Variants in ZNF333 observed in about 807,000 individuals in gnomAD.
ZNF333 encodes the protein zinc finger protein 333.
A neutral mutation model predicts 76.1 loss-of-function variants in ZNF333; 61 were observed. The observed-to-expected ratio is 0.80, with a 90% CI of 0.65 to 0.99. The LOEUF (loss-of-function observed/expected upper bound fraction) is 0.99. ZNF333 is among the 50% of genes least tolerant of loss of function. The probability of loss-of-function intolerance (pLI) is 0.00; values close to 1 mark genes in which losing one functional copy is unlikely to be tolerated. For missense variants in ZNF333, 717 were observed against 822.4 expected, an observed-to-expected ratio of 0.87 and a Z score of 1.57; for synonymous variants, 284 against 305.0, an observed-to-expected ratio of 0.93 and a Z score of 0.72.
At chr19:14,693,220 G>A (rs1304668255) in intron 1 of ZNF333, among the ~76,000 whole-genome samples, 1 of 152,176 alleles carries the variant, frequency 6.6e-6, no homozygotes, top group Admixed American at 6.5e-5. Context: ...GAAGATCTTA[G>A]AAGTATTTTG....
At chr19:14,693,598 A>G in intron 2 of ZNF333, 104 bp downstream of exon 2, 1 of 1,378,272 alleles carries the variant, frequency 7.3e-7, no homozygotes, top group South Asian at 1.5e-5. Flanking sequence ...CCAACTGAGG[A>G]AGAAAGGGAA....
At chr19:14,715,148 T>C (rs1303131456) in intron 7 of ZNF333, 1 of 494,140 alleles carries the variant, frequency 2.0e-6, no homozygotes, top group Non-Finnish European at 3.7e-6. Context: ...TGTGTATATG[T>C]GTGCGTGTTT....
intron 6 of ZNF333, 107 bp from the exon 7 acceptor site, chr19:14,706,579 T>C (rs1250268092): frequency 8.3e-6 from 7 of 839,516 alleles, no homozygotes; most frequent in African/African-American, 3.4e-5. Context: ...TTTATTAATA[T>C]GTTCCCCAAA....
chr19:14,727,307 T>A (rs2905824), intron 11 of ZNF333, among the ~76,000 whole-genome samples: 2 of 152,112 alleles, frequency 1.3e-5, no homozygotes, highest in Non-Finnish European at 2.9e-5. Flanking sequence ...GGATTACAGG[T>A]GTGAGCCACC....
At position 14,731,457 on chromosome 19, in the gene ZNF333, C is replaced by T. The variant is rs114933003; in HGVS notation, c.*271C>T. On this transcript the variant is annotated 3_prime_UTR_variant, in exon 12 of 12. Transcript: ENST00000540689. ...CTAAGGCCTGTGTGGGTCTTTGTTT[C>T]CCCAGCCGTGCAATGACTGTTAGAT... 893 of 490,644 alleles carry T rather than the reference C, an allele frequency of 1.8e-3. 8 individuals carry two copies. Among genetic ancestry groups the T allele is most frequent in the African/African-American group, 0.016 (815 of 51,224 alleles). The allele number at this position is 490,644 out of a possible 1,614,324, so 30.4% of individuals were successfully genotyped here. A position where few individuals can be genotyped will look rare whatever the true frequency, so the allele number is the denominator to read the frequency against.
At chr19:14,698,339 A>G (rs145618440) in intron 4 of ZNF333, among the ~76,000 whole-genome samples, 2,869 of 135,700 alleles carry the variant, frequency 0.021, 31 homozygotes, top group South Asian at 0.035. Context: ...ATGCCATTGT[A>G]CTCCAGCCTG....
At chr19:14,715,008 A>G (rs959904663) in intron 7 of ZNF333, 7 of 186,256 alleles carry the variant, frequency 3.8e-5, no homozygotes, top group Non-Finnish European at 5.6e-5. Flanking sequence ...TATGGAGTCT[A>G]TGGCTCTTGG....
intron 7 of ZNF333, chr19:14,707,995 T>C (rs541117437): frequency 1.2e-5 from 5 of 400,742 alleles, no homozygotes; most frequent in African/African-American, 1.0e-4. Context: ...CTCTATTTTG[T>C]TACTTCTTCT....
chr19:14,708,530 G>A (rs1157678808), intron 7 of ZNF333: 1 of 391,010 alleles, frequency 2.6e-6, no homozygotes, highest in Non-Finnish European at 4.5e-6. Context: ...GGATATTTAA[G>A]CTTAGGCCAG....
chr19:14,727,024 C>CTTTTTTTTT (rs33936016), intron 11 of ZNF333, among the ~76,000 whole-genome samples: 3 of 70,096 alleles, frequency 4.3e-5, no homozygotes, highest in Non-Finnish European at 7.4e-5. Context: ...AGAAAAGAGG[C>CTTTTTTTTT]TTTTTTTTTT....
exon 12 of ZNF333, chr19:14,733,519 G>A (rs1489761705): frequency 1.3e-5 from 2 of 152,026 alleles, no homozygotes; most frequent in Non-Finnish European, 2.9e-5. Flanking sequence ...AGCAGACTTG[G>A]GGGGTATGCC....
At chr19:14,706,586 C>G in intron 6 of ZNF333, 100 bp from the exon 7 acceptor site, 1 of 898,428 alleles carries the variant, frequency 1.1e-6, no homozygotes, top group Admixed American at 1.9e-5. Context: ...ATATGTTCCC[C>G]AAAGCAGGAT....
intron 7 of ZNF333, among the ~76,000 whole-genome samples, chr19:14,713,829 T>TG (rs1157958307): frequency 2.0e-5 from 3 of 151,952 alleles, no homozygotes; most frequent in African/African-American, 7.3e-5. Flanking sequence ...GGTGTGGTGG[T>TG]GCACACGTGT....
intron 5 of ZNF333, 61 bp from the exon 6 acceptor site, chr19:14,704,993 G>C: frequency 1.9e-6 from 3 of 1,541,876 alleles, no homozygotes; most frequent in Non-Finnish European, 2.7e-6. Context: ...AAGGTCTCTC[G>C]GGCTGAGAAC....
intron 4 of ZNF333, 95 bp from the exon 5 acceptor site, chr19:14,699,104 G>GTATATATATTCACATATATATGTGAA (rs1973492195): frequency 3.2e-6 from 3 of 930,004 alleles, no homozygotes; most frequent in Middle Eastern, 2.3e-4. Context: ...TGTATAGTGT[G>GTATATATATTCACATATATATGTGAA]TATATATATT....
intron 11 of ZNF333, among the ~76,000 whole-genome samples, chr19:14,717,959 C>CA (rs1309665144): frequency 6.6e-6 from 1 of 152,184 alleles, no homozygotes; most frequent in Non-Finnish European, 1.5e-5. Flanking sequence ...ATGACACATA[C>CA]AAAGTGTTTA....
chr19:14,714,369 G>C (rs1057310755), intron 7 of ZNF333, among the ~76,000 whole-genome samples: 1 of 152,126 alleles, frequency 6.6e-6, no homozygotes, highest in Admixed American at 6.5e-5. Flanking sequence ...GGAGGGGACC[G>C]TGCGACGGTG....
chr19:14,695,059 C>A lies in ZNF333; in HGVS notation c.53C>A (p.Ala18Glu). 6.2e-7 allele frequency: 1 copy of A among 1,614,138 alleles called. No individual in the cohort carries two copies. Residue 18 changes from alanine to glutamate, a missense_variant, in exon 3 of 12, where the codon GCA becomes GAA. Ala to Glu is a moderately radical substitution (Grantham distance 107, BLOSUM62 -1). Coordinates refer to ENST00000292530, the MANE Select transcript of ZNF333 (RefSeq NM_032433.4). ...DVAVEFIQEWALLDSARRSLC... is the reference protein window; with the variant it reads ...DVAVEFIQEWELLDSARRSLC... Reference sequence around the variant, plus strand: ...GCCGTGGAGTTCATCCAGGAGTGGGCATTGCTGGACAGCGCACGGAGGAGC... The same window carrying A: ...GCCGTGGAGTTCATCCAGGAGTGGGAATTGCTGGACAGCGCACGGAGGAGC...
chr19:14,698,926 A>G (rs1041102969), intron 4 of ZNF333, among the ~76,000 whole-genome samples: 7 of 138,972 alleles, frequency 5.0e-5, no homozygotes, highest in Admixed American at 1.4e-4. Context: ...ATATATATAT[A>G]TATATATATA....
Sources: gnomAD v4.1 joint callset for allele counts (sites outside exome capture counted in the v4.1 genomes callset) on GRCh38, gnomAD v4.1.1 for gene constraint, MANE v1.5 for transcripts, NCBI Gene and HGNC (gene_info 2026-07-23, HGNC 2026-07-21) for gene names.